The following UMAD1 variants were observed in gnomAD, a reference collection of about 807,000 sequenced individuals.
The protein encoded by UMAD1 is UBAP1-MVB12-associated (UMA)-domain containing protein 1.
A neutral mutation model predicts 6.1 loss-of-function variants in UMAD1; 8 were observed. The ratio of observed to expected loss-of-function variants is 1.30; its 90% CI spans 0.76 to 2.35. The LOEUF is 2.35. Ranked by LOEUF, UMAD1 falls within the 30% of genes most tolerant of loss-of-function variation. The pLI, the probability that UMAD1 is intolerant of heterozygous loss-of-function variation, is 0.00. For synonymous variants in UMAD1, 56 were observed against 31.4 expected (o/e 1.78, Z -2.61); for missense variants, 130 against 78.4 (o/e 1.66, Z -2.49).
At chr7:7,853,422 A>ATACT (rs147226830) in intron 3 of UMAD1, among the ~76,000 whole-genome samples, 371 of 152,188 alleles carry the variant, frequency 2.4e-3, no homozygotes, top group African/African-American at 8.5e-3. Flanking sequence ...CATCTTAACA[A>ATACT]TACTGTCTTC....
intron 3 of UMAD1, among the ~76,000 whole-genome samples, chr7:7,816,776 T>A (rs1486436837): frequency 6.6e-6 from 1 of 152,226 alleles, no homozygotes; most frequent in African/African-American, 2.4e-5. Flanking sequence ...CTTGCTTATC[T>A]GTCCTTTCCT....
intron 2 of UMAD1, among the ~76,000 whole-genome samples, chr7:7,750,210 G>C (rs892995692): frequency 1.3e-5 from 2 of 152,054 alleles, no homozygotes; most frequent in Non-Finnish European, 2.9e-5. Flanking sequence ...AGTCTAGGTA[G>C]TATTTATACC....
chr7:7,668,214 T>C (rs967200600), intron 1 of UMAD1, among the ~76,000 whole-genome samples: 3 of 152,142 alleles, frequency 2.0e-5, no homozygotes, highest in Non-Finnish European at 4.4e-5. Flanking sequence ...TGCCTGGTCC[T>C]ACTTTACTTC....
intron 2 of UMAD1, among the ~76,000 whole-genome samples, chr7:7,757,831 A>G (rs948957975): frequency 1.3e-5 from 2 of 152,142 alleles, no homozygotes; most frequent in Admixed American, 1.3e-4. Context: ...ATATATGCCC[A>G]CTAAGTCTTA....
chr7:7,842,895 C>G (rs1483456861), intron 3 of UMAD1, among the ~76,000 whole-genome samples: 1 of 152,160 alleles, frequency 6.6e-6, no homozygotes, highest in African/African-American at 2.4e-5. Flanking sequence ...CATGCCCTCC[C>G]AGACCTCTCA....
intron 3 of UMAD1, among the ~76,000 whole-genome samples, chr7:7,806,265 C>T (rs529173477): frequency 2.0e-5 from 3 of 151,460 alleles, no homozygotes; most frequent in South Asian, 4.2e-4. Flanking sequence ...TTACTTCCCC[C>T]CTCTAAAATC....
At chr7:7,811,238 C>T (rs1783016663) in intron 3 of UMAD1, among the ~76,000 whole-genome samples, 1 of 152,068 alleles carries the variant, frequency 6.6e-6, no homozygotes, top group Non-Finnish European at 1.5e-5. Context: ...AAAGACTTGC[C>T]AGGATTTTTG....
chr7:7,823,886 T>G (rs1783292881), intron 3 of UMAD1, among the ~76,000 whole-genome samples: 1 of 152,114 alleles, frequency 6.6e-6, no homozygotes, highest in Admixed American at 6.6e-5. Context: ...CTTCTCCTTC[T>G]CACATCTCTT....
chr7:7,690,838 TG>T (rs1386797050), intron 2 of UMAD1, among the ~76,000 whole-genome samples: 5 of 152,198 alleles, frequency 3.3e-5, no homozygotes, highest in African/African-American at 1.2e-4. Context: ...TTGCTAAAGT[TG>T]GGTTAAATTT....
intron 3 of UMAD1, among the ~76,000 whole-genome samples, chr7:7,826,838 A>G (rs1783351474): frequency 6.6e-6 from 1 of 152,220 alleles, no homozygotes; most frequent in East Asian, 1.9e-4. Flanking sequence ...TTAAAGAAGA[A>G]GAAGAAACGT....
chr7:7,665,318 G>A (rs1051823390), intron 1 of UMAD1, among the ~76,000 whole-genome samples: 3 of 152,098 alleles, frequency 2.0e-5, no homozygotes, highest in Non-Finnish European at 4.4e-5. Context: ...CCTTTTATAC[G>A]CAGTCTGTGT....
intron 2 of UMAD1, among the ~76,000 whole-genome samples, chr7:7,771,737 G>T (rs1031533163): frequency 6.6e-6 from 1 of 152,088 alleles, no homozygotes; most frequent in Non-Finnish European, 1.5e-5. Flanking sequence ...GCCACTGAGG[G>T]CATGGTTTGG....
At chr7:7,663,449 G>T (rs1383234508) in intron 1 of UMAD1, among the ~76,000 whole-genome samples, 2 of 152,092 alleles carry the variant, frequency 1.3e-5, no homozygotes, top group Non-Finnish European at 2.9e-5. Context: ...TCAGGCATCT[G>T]TACCTCTTCC....
chr7:7,770,599 T>G (rs943193113), intron 2 of UMAD1, among the ~76,000 whole-genome samples: 1 of 151,938 alleles, frequency 6.6e-6, no homozygotes, highest in African/African-American at 2.4e-5. Flanking sequence ...AAGGTGATGG[T>G]GATGGAGAGG....
intron 2 of UMAD1, among the ~76,000 whole-genome samples, chr7:7,776,399 A>G (rs1197983820): frequency 6.6e-6 from 1 of 152,224 alleles, no homozygotes; most frequent in African/African-American, 2.4e-5. Flanking sequence ...TTGTAAATCC[A>G]TTTATATAGT....
intron 2 of UMAD1, among the ~76,000 whole-genome samples, chr7:7,759,656 G>A (rs1005637863): frequency 6.6e-6 from 1 of 152,210 alleles, no homozygotes; most frequent in Non-Finnish European, 1.5e-5. Flanking sequence ...AAAGGATCTA[G>A]GAAGGAGTCT....
At chr7:7,837,552 G>A (rs901033818) in intron 3 of UMAD1, among the ~76,000 whole-genome samples, 1 of 152,026 alleles carries the variant, frequency 6.6e-6, no homozygotes, top group African/African-American at 2.4e-5. Context: ...GACTAAGTAT[G>A]CATGTTAACA....
At chr7:7,818,039 A>C (rs140586999) in intron 3 of UMAD1, among the ~76,000 whole-genome samples, 111 of 152,292 alleles carry the variant, frequency 7.3e-4, no homozygotes, top group African/African-American at 2.6e-3. Context: ...GGTTTGTTAC[A>C]TAGGTAAACA....
intron 2 of UMAD1, among the ~76,000 whole-genome samples, chr7:7,798,366 G>T (rs913315658): frequency 6.6e-6 from 1 of 152,036 alleles, no homozygotes; most frequent in Non-Finnish European, 1.5e-5. Flanking sequence ...AAAGAAAATC[G>T]CATGGCTGTA....
Sources: gnomAD v4.1 joint callset for allele counts (sites outside exome capture counted in the v4.1 genomes callset) on GRCh38, gnomAD v4.1.1 for gene constraint, MANE v1.5 for transcripts, NCBI Gene and HGNC (gene_info 2026-07-23, HGNC 2026-07-21) for gene names.